SGCD: variants seen among roughly 807,000 people sequenced by gnomAD.
SGCD encodes delta-sarcoglycan.
In SGCD, 18 loss-of-function variants were observed where a neutral mutation model predicts 36.6. The ratio of observed to expected loss-of-function variants is 0.49; its 90% CI spans 0.34 to 0.73. The LOEUF (loss-of-function observed/expected upper bound fraction) is 0.73. Ranked by LOEUF, SGCD falls within the 30% of genes least tolerant of loss-of-function variation. The pLI is 0.01. For synonymous variants in SGCD, 133 were observed against 130.6 expected, an observed-to-expected ratio of 1.02 and a Z score of -0.12; for missense variants, 387 against 346.7, an observed-to-expected ratio of 1.12 and a Z score of -0.92.
intron 7 of SGCD, among the ~76,000 whole-genome samples, chr5:156,650,531 A>T (rs893013058): frequency 6.6e-6 from 1 of 151,910 alleles, no homozygotes; most frequent in African/African-American, 2.4e-5. Flanking sequence ...TTTTGTTCCC[A>T]TCTTCATATT....
At chr5:156,359,538 C>T (rs1440121525) in intron 3 of SGCD, among the ~76,000 whole-genome samples, 1 of 152,144 alleles carries the variant, frequency 6.6e-6, no homozygotes, top group Non-Finnish European at 1.5e-5. Context: ...AGTCGCAGAG[C>T]TGGGATATAA....
intron 1 of SGCD, among the ~76,000 whole-genome samples, chr5:155,983,319 A>G (rs1758266173): frequency 6.6e-6 from 1 of 152,158 alleles, no homozygotes; most frequent in Non-Finnish European, 1.5e-5. Flanking sequence ...GCTCTTGGAC[A>G]CCAGAGCTCT....
At chr5:156,112,158 C>T (rs1325749988) in intron 1 of SGCD, among the ~76,000 whole-genome samples, 3 of 152,124 alleles carry the variant, frequency 2.0e-5, no homozygotes, top group Admixed American at 6.6e-5. Flanking sequence ...AATTTCTCAA[C>T]TTGGAACTTT....
the SGCD span, among the ~76,000 whole-genome samples, chr5:155,808,878 C>CATAGTTACAT: frequency 3.3e-5 from 5 of 152,188 alleles, no homozygotes; most frequent in African/African-American, 4.8e-5. Flanking sequence ...TACAAAGAGA[C>CATAGTTACAT]AGATCTAGGT....
intron 1 of SGCD, among the ~76,000 whole-genome samples, chr5:156,047,229 T>G (rs1262894211): frequency 6.6e-6 from 1 of 152,050 alleles, no homozygotes; most frequent in Admixed American, 6.6e-5. Flanking sequence ...CACATAAGAG[T>G]GCAGAGTGAA....
At chr5:156,693,828 A>G (rs772440050) in intron 7 of SGCD, among the ~76,000 whole-genome samples, 2 of 152,202 alleles carry the variant, frequency 1.3e-5, no homozygotes, top group Non-Finnish European at 2.9e-5. Flanking sequence ...GCCAATACTT[A>G]GAAATTGAAG....
chr5:156,407,419 G>A (rs1434087247), intron 3 of SGCD, among the ~76,000 whole-genome samples: 1 of 152,170 alleles, frequency 6.6e-6, no homozygotes, highest in African/African-American at 2.4e-5. Flanking sequence ...TGTTGCTGTT[G>A]AAATCTGTCT....
intron 1 of SGCD, among the ~76,000 whole-genome samples, chr5:156,013,388 G>A (rs1404813578): frequency 6.6e-6 from 1 of 152,150 alleles, no homozygotes; most frequent in Non-Finnish European, 1.5e-5. Context: ...TAAAATTAAA[G>A]TGAGTAGAAA....
At chr5:156,128,403 T>C (rs1201276534) in intron 3 of SGCD, among the ~76,000 whole-genome samples, 1 of 152,230 alleles carries the variant, frequency 6.6e-6, no homozygotes, top group African/African-American at 2.4e-5. Flanking sequence ...CAGACAGGAT[T>C]GAAAACATTT....
chr5:156,439,489 T>C (rs1387436265), intron 3 of SGCD, among the ~76,000 whole-genome samples: 2 of 152,094 alleles, frequency 1.3e-5, no homozygotes, highest in Non-Finnish European at 2.9e-5. Flanking sequence ...ATTGCCCCCC[T>C]CAGGAGCCTG....
chr5:156,671,183 AAAAGAAAG>A (rs775180767), intron 7 of SGCD, among the ~76,000 whole-genome samples: 3 of 151,512 alleles, frequency 2.0e-5, no homozygotes, highest in Non-Finnish European at 4.4e-5. Flanking sequence ...CATTAAAAAA[AAAAGAAAG>A]AAAGAAAGAA....
At chr5:155,898,897 G>A (rs973388690) in intron 1 of SGCD, among the ~76,000 whole-genome samples, 1 of 152,164 alleles carries the variant, frequency 6.6e-6, no homozygotes, top group African/African-American at 2.4e-5. Context: ...TGTTTCCCTG[G>A]CTAGATGTGG....
At chr5:156,418,724 CAAAAT>C (rs1773162186) in intron 3 of SGCD, among the ~76,000 whole-genome samples, 3 of 152,178 alleles carry the variant, frequency 2.0e-5, no homozygotes, top group Middle Eastern at 3.4e-3. Flanking sequence ...ATTCAGAAAA[CAAAAT>C]AAAGCAAAAC....
intron 3 of SGCD, among the ~76,000 whole-genome samples, chr5:156,240,842 G>A (rs1006391036): frequency 6.6e-6 from 1 of 152,130 alleles, no homozygotes; most frequent in African/African-American, 2.4e-5. Flanking sequence ...ACCAAAAGCC[G>A]ACAGATAAGA....
At chr5:156,264,025 T>C (rs62383772) in intron 3 of SGCD, among the ~76,000 whole-genome samples, 8,591 of 152,072 alleles carry the variant, frequency 0.056, 265 homozygotes, top group Non-Finnish European at 0.069. Context: ...TGGAGAATTC[T>C]TCTGGAATGT....
At chr5:156,330,065 T>C (rs1767995358) in intron 2 of SGCD, among the ~76,000 whole-genome samples, 1 of 150,140 alleles carries the variant, frequency 6.7e-6, no homozygotes, top group African/African-American at 2.5e-5. Context: ...TACTACATCG[T>C]TGGTTGTACA....
intron 3 of SGCD, among the ~76,000 whole-genome samples, chr5:156,447,197 A>G (rs1753786934): frequency 6.6e-6 from 1 of 152,214 alleles, no homozygotes; most frequent in Non-Finnish European, 1.5e-5. Flanking sequence ...ACTTACCATC[A>G]AATCATTCCT....
chr5:156,647,914 T>C (rs1561836353), intron 7 of SGCD, among the ~76,000 whole-genome samples: 1 of 152,146 alleles, frequency 6.6e-6, no homozygotes, highest in African/African-American at 2.4e-5. Flanking sequence ...CGATGTCTTA[T>C]TATGCAACAA....
intron 1 of SGCD, among the ~76,000 whole-genome samples, chr5:155,955,089 T>G (rs897245777): frequency 6.6e-6 from 1 of 152,106 alleles, no homozygotes; most frequent in Non-Finnish European, 1.5e-5. Context: ...GATCTTCAAT[T>G]GATTGGATGA....
Sources: allele counts gnomAD v4.1 joint callset (sites outside exome capture counted in the v4.1 genomes callset), GRCh38; gene constraint gnomAD v4.1.1; transcripts MANE v1.5; gene names NCBI Gene and HGNC (gene_info 2026-07-23, HGNC 2026-07-21).